KLK8: variants seen among roughly 807,000 people sequenced by gnomAD.
KLK8 encodes kallikrein-8.
KLK8 carries 18 observed loss-of-function variants against 26.7 expected under a neutral mutation model. The observed-to-expected ratio is 0.67, with a 90% CI of 0.47 to 1.00. KLK8 has a LOEUF of 1.00. Ranked by LOEUF, KLK8 falls within the 50% of genes least tolerant of loss-of-function variation. The pLI is 0.00. For missense variants in KLK8, 301 were observed against 331.7 expected (o/e 0.91, Z 0.72); for synonymous variants, 137 against 127.1 (o/e 1.08, Z -0.52).
chr19:50,999,639 G>C (rs1174006938), intron 5 of KLK8, among the ~76,000 whole-genome samples: 7 of 145,566 alleles, frequency 4.8e-5, no homozygotes. Context: ...GGAGGTGGGG[G>C]AGAAGGTGCT....
intron 4 of KLK8, 55 bp from the exon 4 acceptor site, chr19:51,000,313 T>A: frequency 6.6e-7 from 1 of 1,521,752 alleles, no homozygotes; most frequent in Non-Finnish European, 8.9e-7. Flanking sequence ...CCCAGCCCCC[T>A]CCTCCTTCAG....
chr19:51,001,250 G>A, intron 2 of KLK8, 75 bp from the exon 2 acceptor site: 2 of 1,315,812 alleles, frequency 1.5e-6, no homozygotes, highest in East Asian at 2.4e-5. Flanking sequence ...TTGGGCACTG[G>A]GGAGGCAGCC....
chr19:50,997,399 T>G (rs571807267), intron 6 of KLK8, among the ~76,000 whole-genome samples: 1 of 152,182 alleles, frequency 6.6e-6, no homozygotes, highest in African/African-American at 2.4e-5. Context: ...CACGATGTAA[T>G]GCTGGGAACC....
At chr19:51,000,800 C>T (rs1313676240) in intron 3 of KLK8, 3 of 1,378,702 alleles carry the variant, frequency 2.2e-6, no homozygotes, top group South Asian at 1.5e-5. Flanking sequence ...CATGCTTCCA[C>T]ATGAGTCTAC....
chr19:50,996,432 A>C (rs1486060705), intron 6 of KLK8, among the ~76,000 whole-genome samples: 1 of 151,738 alleles, frequency 6.6e-6, no homozygotes, highest in Non-Finnish European at 1.5e-5. Context: ...CTGACAGAAG[A>C]GGGGAAAGAA....
rs769097215 is a variant in KLK8 at position 51,001,088 on chromosome 19, C to A, written c.70+10G>T. The A allele has an allele frequency of 6.2e-7, 1 of 1,609,494 alleles. No homozygotes were observed. Among genetic ancestry groups the A allele is most frequent in the African/African-American group, 1.3e-5 (1 of 75,018 alleles). ...CCCTCCCCTCCGGAGGCCTCCGCAA[C>A]CCTCCTCACCTGCCCAGGCTCCCCC... On this transcript the variant is annotated intron_variant, in intron 3 of 6. Transcript: ENST00000600767.
intron 6 of KLK8, among the ~76,000 whole-genome samples, chr19:50,996,444 G>T (rs966855092): frequency 1.1e-4 from 17 of 151,802 alleles, no homozygotes; most frequent in African/African-American, 4.1e-4. Context: ...GGGAAAGAAT[G>T]AAATCCCAGA....
At chr19:51,000,105 G>A (rs1291100906) in exon 5 of KLK8, 7 of 1,613,954 alleles carry the variant, frequency 4.3e-6, no homozygotes, top group South Asian at 3.3e-5. Flanking sequence ...GGGATGCCTG[G>A]TCACGCAGTT....
At chr19:51,000,327 C>T in intron 4 of KLK8, 69 bp from the exon 4 acceptor site, 2 of 1,541,876 alleles carry the variant, frequency 1.3e-6, no homozygotes, top group South Asian at 1.2e-5. Context: ...CCTTCAGACC[C>T]AGGAGTCCAG....
chr19:51,000,648 C>T, intron 3 of KLK8, 65 bp from the exon 3 acceptor site: 1 of 1,593,266 alleles, frequency 6.3e-7, no homozygotes. Flanking sequence ...GGGAAGGCCA[C>T]TGTGGGTTCA....
Position 50,996,226 on chromosome 19 carries a change from G to T in KLK8, c.628-12C>A, listed in dbSNP as rs779446174. ...CCTCCAGAATCGCCCTAGACAGGGA[G>T]AATGAGAACAGCCTTGCATCTGAGA... On this transcript the variant is annotated splice_polypyrimidine_tract_variant and intron_variant, in intron 6 of 6. Coordinates refer to ENST00000600767, the Ensembl canonical transcript of KLK8. 6.2e-7 allele frequency: 1 copy of T among 1,613,028 alleles called. No homozygotes were observed. The highest frequency in any genetic ancestry group is 1.7e-5 in the Admixed American group (1 of 59,948).
At chr19:50,998,438 G>C (rs1426636295) in intron 5 of KLK8, among the ~76,000 whole-genome samples, 1 of 152,070 alleles carries the variant, frequency 6.6e-6, no homozygotes, top group African/African-American at 2.4e-5. Context: ...ACTCCATAAC[G>C]ACAAGGACTT....
Position 50,997,900 on chromosome 19 carries a change from T to C in KLK8, c.494-16A>G. 1.9e-6 allele frequency: 3 copies of C among 1,613,590 alleles called. No homozygotes were observed. The highest frequency in any genetic ancestry group is 2.5e-6 in the Non-Finnish European group (3 of 1,179,940). On this transcript the variant is annotated splice_polypyrimidine_tract_variant and intron_variant, in intron 5 of 6. Transcript: ENST00000600767. Reference sequence around the variant, plus strand: ...GGAAAATTCTCTGAGGGGGAAGAGGTTGTAAGGTTCCCTGAGAGAGCAGCC... The same window carrying C: ...GGAAAATTCTCTGAGGGGGAAGAGGCTGTAAGGTTCCCTGAGAGAGCAGCC...
intron 5 of KLK8, among the ~76,000 whole-genome samples, chr19:50,998,457 T>A (rs73936107): frequency 0.012 from 1,763 of 152,340 alleles, 32 homozygotes; most frequent in African/African-American, 0.04. Flanking sequence ...TTTGTACAGT[T>A]TGCTCATGGC....
rs1187066614 is a variant in KLK8, at chr19:51,000,207, TG to T, written c.281del (p.Pro94GlnfsTer28). ...ACTGAACCACAGGTATTTCTTGCTC[TG>T]GGCCATCTTTATTCTGTAGGCTGTG... On this transcript the variant is annotated frameshift_variant, in exon 5 of 7. Transcript: ENST00000600767. LOFTEE classifies it high-confidence loss of function. 1.2e-6 allele frequency: 2 copies of T among 1,606,816 alleles called. No individual in the cohort carries two copies. The highest frequency in any genetic ancestry group is 1.7e-6 in the Non-Finnish European group (2 of 1,174,040).
At chr19:50,997,350 G>A (rs914663166) in intron 6 of KLK8, among the ~76,000 whole-genome samples, 2 of 151,936 alleles carry the variant, frequency 1.3e-5, no homozygotes, top group African/African-American at 2.4e-5. Context: ...AAAGAAAAGT[G>A]GCTGACCACC....
At chr19:51,000,375 C>T in intron 4 of KLK8, 49 bp downstream of exon 3, 1 of 1,559,300 alleles carries the variant, frequency 6.4e-7, no homozygotes. Context: ...AACCCCAGCC[C>T]CCTCTTTCCT....
intron 6 of KLK8, 74 bp downstream of exon 5, chr19:50,997,677 A>C: frequency 6.5e-5 from 99 of 1,514,148 alleles, no homozygotes; most frequent in Non-Finnish European, 7.8e-5. Flanking sequence ...TACCACCCCC[A>C]CCCCCATCCA....
At chr19:50,996,326 T>C in intron 6 of KLK8, 112 bp from the exon 6 acceptor site, 2 of 1,164,636 alleles carry the variant, frequency 1.7e-6, no homozygotes, top group Non-Finnish European at 2.5e-6. Flanking sequence ...CTGTAGCCAA[T>C]GGGGGTAAAA....
Sources: allele counts gnomAD v4.1 joint callset (sites outside exome capture counted in the v4.1 genomes callset), GRCh38; gene constraint gnomAD v4.1.1; transcripts MANE v1.5; gene names NCBI Gene and HGNC (gene_info 2026-07-23, HGNC 2026-07-21).